The following RORA variants were observed in gnomAD, a reference collection of about 807,000 sequenced individuals.
The protein encoded by RORA is RAR related orphan receptor A.
RORA carries 7 observed loss-of-function variants against 69.5 expected under a neutral mutation model. The ratio of observed to expected loss-of-function variants is 0.10; its 90% confidence interval spans 0.06 to 0.19. The LOEUF is 0.19. Among genes scored for constraint, RORA ranks in the 10% least tolerant of loss-of-function variants. The pLI is 1.00. For missense variants in RORA, 457 were observed against 663.0 expected (o/e 0.69, Z 3.41); for synonymous variants, 261 against 240.8 (o/e 1.08, Z -0.78).
chr15:60,514,553 C>T (rs1260828908), intron 4 of RORA, 63 bp downstream of exon 4: 6 of 1,546,032 alleles, frequency 3.9e-6, no homozygotes, highest in Non-Finnish European at 5.3e-6. Context: ...GATCTGAGTC[C>T]AGGTTTCAGA....
At chr15:61,118,699 C>T (rs903599827) in intron 1 of RORA, among the ~76,000 whole-genome samples, 2 of 152,114 alleles carry the variant, frequency 1.3e-5, no homozygotes, top group Non-Finnish European at 2.9e-5. Flanking sequence ...TCGCGTTTTC[C>T]TTCTGTGACA....
At chr15:61,076,986 C>T (rs1315047632) in intron 1 of RORA, among the ~76,000 whole-genome samples, 1 of 151,634 alleles carries the variant, frequency 6.6e-6, no homozygotes, top group Non-Finnish European at 1.5e-5. Context: ...ACAAGTGGGC[C>T]GTTGACTGTG....
intron 1 of RORA, among the ~76,000 whole-genome samples, chr15:60,799,462 T>A (rs763447279): frequency 3.3e-5 from 5 of 152,188 alleles, no homozygotes; most frequent in Non-Finnish European, 7.4e-5. Flanking sequence ...TGGCTGTTGC[T>A]GTCTGGCACG....
intron 2 of RORA, among the ~76,000 whole-genome samples, chr15:60,634,399 C>CTTTTT (rs10604472): frequency 1.4e-5 from 2 of 142,614 alleles, no homozygotes; most frequent in Non-Finnish European, 1.5e-5. Context: ...AGTGCTACCA[C>CTTTTT]TTTTTTTTTT....
At chr15:61,031,352 T>C (rs950317960) in intron 1 of RORA, among the ~76,000 whole-genome samples, 2 of 152,218 alleles carry the variant, frequency 1.3e-5, no homozygotes, top group African/African-American at 4.8e-5. Flanking sequence ...AAAGAGATTA[T>C]GCCTCCAGTT....
chr15:61,092,772 A>T (rs1251941541), intron 1 of RORA, among the ~76,000 whole-genome samples: 1 of 152,194 alleles, frequency 6.6e-6, no homozygotes, highest in African/African-American at 2.4e-5. Context: ...TTGGCATTAT[A>T]CACAGAATGG....
At chr15:60,947,688 T>TAAAAAAAAAAAAA (rs35887206) in intron 1 of RORA, among the ~76,000 whole-genome samples, 4 of 102,924 alleles carry the variant, frequency 3.9e-5, no homozygotes, top group African/African-American at 1.3e-4. Context: ...GAATGATCAA[T>TAAAAAAAAAAAAA]AAAAAAAAAA....
At chr15:61,035,677 G>A (rs1176053809) in intron 1 of RORA, among the ~76,000 whole-genome samples, 1 of 152,124 alleles carries the variant, frequency 6.6e-6, no homozygotes, top group Non-Finnish European at 1.5e-5. Flanking sequence ...CACTCACTAT[G>A]AAATGTCATT....
At chr15:60,769,192 A>G (rs2072034667) in intron 1 of RORA, among the ~76,000 whole-genome samples, 1 of 152,246 alleles carries the variant, frequency 6.6e-6, no homozygotes, top group Non-Finnish European at 1.5e-5. Flanking sequence ...ATGAACTTCC[A>G]TGATAAATAT....
intron 1 of RORA, among the ~76,000 whole-genome samples, chr15:60,989,873 C>A (rs1894319349): frequency 6.6e-6 from 1 of 151,778 alleles, no homozygotes; most frequent in Non-Finnish European, 1.5e-5. Flanking sequence ...CTAGTCCAGA[C>A]CACTCCAAAA....
At chr15:60,986,759 A>C (rs3803481) in intron 1 of RORA, among the ~76,000 whole-genome samples, 2 of 152,032 alleles carry the variant, frequency 1.3e-5, no homozygotes, top group East Asian at 3.9e-4. Context: ...AACTGCATGA[A>C]AACTCTCAAA....
At chr15:60,821,167 A>G (rs1595741571) in intron 1 of RORA, among the ~76,000 whole-genome samples, 2 of 152,272 alleles carry the variant, frequency 1.3e-5, no homozygotes, top group South Asian at 2.1e-4. Context: ...CAAGGGATCC[A>G]TCTTCCACTG....
chr15:61,134,056 A>G (rs1021233107), intron 1 of RORA, among the ~76,000 whole-genome samples: 3 of 152,186 alleles, frequency 2.0e-5, no homozygotes, highest in African/African-American at 4.8e-5. Context: ...TTCTGGAACC[A>G]CAATTTACTA....
At chr15:60,620,571 G>C (rs181456795) in intron 2 of RORA, among the ~76,000 whole-genome samples, 1 of 152,218 alleles carries the variant, frequency 6.6e-6, no homozygotes, top group South Asian at 2.1e-4. Flanking sequence ...CTCAATTACT[G>C]TCTGTTTTGT....
chr15:60,931,563 C>G (rs192411934), intron 1 of RORA, among the ~76,000 whole-genome samples: 10 of 152,246 alleles, frequency 6.6e-5, no homozygotes, highest in African/African-American at 1.9e-4. Flanking sequence ...CTCTAGAAAA[C>G]AGGCACTGGT....
At chr15:60,935,376 C>T (rs546096640) in intron 1 of RORA, among the ~76,000 whole-genome samples, 10 of 152,324 alleles carry the variant, frequency 6.6e-5, no homozygotes, top group Admixed American at 3.3e-4. Context: ...AGTGATCCCA[C>T]ACAAGCTGAG....
intron 1 of RORA, among the ~76,000 whole-genome samples, chr15:60,986,613 C>T (rs1210455499): frequency 1.3e-5 from 2 of 152,192 alleles, no homozygotes; most frequent in African/African-American, 4.8e-5. Context: ...TTATCAGGGA[C>T]AGGGTGAAGG....
chr15:60,599,366 C>A (rs2068764114), intron 2 of RORA, among the ~76,000 whole-genome samples: 1 of 152,188 alleles, frequency 6.6e-6, no homozygotes, highest in South Asian at 2.1e-4. Context: ...GCCTGGCCAA[C>A]ATGGCGAAAC....
intron 1 of RORA, among the ~76,000 whole-genome samples, chr15:60,755,123 AT>A (rs1335742387): frequency 7.5e-6 from 1 of 133,656 alleles, no homozygotes; most frequent in East Asian, 2.6e-4. Flanking sequence ...TCCTAATGCT[AT>A]CCCTCCCCCC....
Sources: gnomAD v4.1 joint callset for allele counts (sites outside exome capture counted in the v4.1 genomes callset) on GRCh38, gnomAD v4.1.1 for gene constraint, MANE v1.5 for transcripts, NCBI Gene and HGNC (gene_info 2026-07-23, HGNC 2026-07-21) for gene names.